Variants in LRRC4C observed in about 807,000 individuals in gnomAD.
The protein encoded by LRRC4C is leucine rich repeat containing 4C.
A neutral mutation model predicts 33.6 loss-of-function variants in LRRC4C; 5 were observed. The observed-to-expected ratio is 0.15, with a 90% CI of 0.08 to 0.31. The LOEUF is 0.31. Ranked by LOEUF, LRRC4C falls within the 10% of genes least tolerant of loss-of-function variation. LRRC4C has a pLI of 1.00. For missense variants in LRRC4C, 560 were observed against 796.7 expected, an observed-to-expected ratio of 0.70 and a Z score of 3.58; for synonymous variants, 329 against 302.0, an observed-to-expected ratio of 1.09 and a Z score of -0.93.
At position 40,502,161 on chromosome 11, in the gene LRRC4C, A is replaced by G. The variant is rs144449195; in HGVS notation, c.-270+145981T>C. Among the ~76,000 whole-genome samples the G allele has an allele frequency of 5.7e-4, 87 of 152,150 alleles. 1 individual carries two copies. In the Middle Eastern group the frequency reaches 0.01, roughly 18 times the overall value. On this transcript the variant is annotated intron_variant, in intron 3 of 6. Transcript: ENST00000528697. The stretch of plus-strand genomic sequence containing the variant: ...CTGAGACCACCTCATCCTGGACTTT[A>G]TTGTCTGTATCATTATCAGCATTTT...
chr11:41,268,541 A>G lies in LRRC4C; in HGVS notation c.-496+190890T>C, dbSNP rs56155005. ...TCATCTTGAAAACTATTTATTTTCAAACTTTATTTTTAAAAATTGTACCTC... is the reference window on the plus strand; with the variant it reads ...TCATCTTGAAAACTATTTATTTTCAGACTTTATTTTTAAAAATTGTACCTC... On this transcript the variant is annotated intron_variant, in intron 1 of 6. Coordinates refer to ENST00000528697, the MANE Select transcript of LRRC4C (RefSeq NM_001258419.2). 6.0e-3 allele frequency among the ~76,000 whole-genome samples: 913 copies of G among 152,234 alleles called. 9 individuals are homozygous for G. The highest frequency in any genetic ancestry group is 0.021 in the African/African-American group (861 of 41,554).
At chr11:40,513,083 A>G (rs1955399541) in intron 3 of LRRC4C, among the ~76,000 whole-genome samples, 1 of 151,864 alleles carries the variant, frequency 6.6e-6, no homozygotes. Flanking sequence ...CCCCGTCTCT[A>G]CTACAAATAC....
intron 2 of LRRC4C, among the ~76,000 whole-genome samples, chr11:40,694,715 A>C (rs996957724): frequency 6.6e-6 from 1 of 152,166 alleles, no homozygotes; most frequent in Non-Finnish European, 1.5e-5. Flanking sequence ...TACTCCCAGC[A>C]GCCAATAAAA....
chr11:40,423,748 T>C (rs1950614332), intron 3 of LRRC4C, among the ~76,000 whole-genome samples: 1 of 152,152 alleles, frequency 6.6e-6, no homozygotes, highest in Non-Finnish European at 1.5e-5. Flanking sequence ...TATTAACCAA[T>C]GTTGGAACTA....
chr11:40,869,189 G>T (rs1458050444), intron 2 of LRRC4C, among the ~76,000 whole-genome samples: 2 of 152,140 alleles, frequency 1.3e-5, no homozygotes, highest in Non-Finnish European at 1.5e-5. Flanking sequence ...ACCCAGTTAT[G>T]TTCCAGGAAA....
chr11:40,854,257 G>C (rs1305275517), intron 2 of LRRC4C, among the ~76,000 whole-genome samples: 1 of 152,140 alleles, frequency 6.6e-6, no homozygotes, highest in African/African-American at 2.4e-5. Flanking sequence ...ATTCTAACAG[G>C]AATGGGAGTT....
intron 3 of LRRC4C, among the ~76,000 whole-genome samples, chr11:40,443,237 A>C (rs1161878707): frequency 1.3e-5 from 2 of 152,158 alleles, no homozygotes; most frequent in Admixed American, 6.5e-5. Flanking sequence ...GCACCATAGA[A>C]ATTTCCCCTG....
At chr11:40,531,927 T>C (rs1442384173) in intron 3 of LRRC4C, among the ~76,000 whole-genome samples, 1 of 150,450 alleles carries the variant, frequency 6.6e-6, no homozygotes, top group East Asian at 1.9e-4. Flanking sequence ...GAAAGGATTT[T>C]GATATAGGAA....
chr11:41,430,353 G>C (rs1565666761), intron 1 of LRRC4C, among the ~76,000 whole-genome samples: 17 of 152,052 alleles, frequency 1.1e-4, no homozygotes, highest in Admixed American at 1.1e-3. Context: ...TTCTCCTTAG[G>C]TTTTTTCCTC....
chr11:41,180,942 C>T (rs1945420665), intron 1 of LRRC4C, among the ~76,000 whole-genome samples: 1 of 152,194 alleles, frequency 6.6e-6, no homozygotes, highest in East Asian at 1.9e-4. Context: ...TAGCGCACAT[C>T]CTCATGAGTT....
chr11:40,202,781 C>A (rs2135742546), intron 5 of LRRC4C, among the ~76,000 whole-genome samples: 1 of 152,220 alleles, frequency 6.6e-6, no homozygotes, highest in Admixed American at 6.5e-5. Flanking sequence ...GGGTAATAAT[C>A]AAAGCTTGGC....
chr11:40,637,892 C>T (rs761084297), intron 3 of LRRC4C, among the ~76,000 whole-genome samples: 1 of 152,174 alleles, frequency 6.6e-6, no homozygotes, highest in African/African-American at 2.4e-5. Flanking sequence ...GACTTCACTC[C>T]TTAATTCTAG....
At chr11:40,726,369 A>G (rs1947293896) in intron 2 of LRRC4C, among the ~76,000 whole-genome samples, 1 of 152,186 alleles carries the variant, frequency 6.6e-6, no homozygotes, top group South Asian at 2.1e-4. Flanking sequence ...TTACAGGACA[A>G]TATCCACGAG....
rs546609030 is a variant in LRRC4C, at chr11:40,316,865, T to C, written c.-176+2763A>G. The stretch of plus-strand genomic sequence containing the variant: ...AATTTCTGAGATAAACTCTTTAGGA[T>C]AGACCCATTGGAGATCTATATAGGG... On this transcript the variant is annotated intron_variant, in intron 4 of 6. Coordinates refer to ENST00000528697, the MANE Select transcript of LRRC4C (RefSeq NM_001258419.2). Among the ~76,000 whole-genome samples, 2 of 152,010 alleles carry C rather than the reference T, an allele frequency of 1.3e-5. 1 individual carries two copies. The highest frequency in any genetic ancestry group is 4.8e-5 in the African/African-American group (2 of 41,440).
intron 3 of LRRC4C, among the ~76,000 whole-genome samples, chr11:40,634,477 A>G (rs1963776567): frequency 6.6e-6 from 1 of 152,178 alleles, no homozygotes. Flanking sequence ...AAATATTTGA[A>G]TATTACTAGA....
intron 2 of LRRC4C, among the ~76,000 whole-genome samples, chr11:40,744,169 T>C (rs1338876150): frequency 1.3e-5 from 2 of 152,182 alleles, no homozygotes; most frequent in African/African-American, 4.8e-5. Flanking sequence ...AACTTTATTT[T>C]CTGATGATGG....
intron 3 of LRRC4C, among the ~76,000 whole-genome samples, chr11:40,329,076 G>A (rs1463730629): frequency 6.6e-6 from 1 of 152,188 alleles, no homozygotes; most frequent in African/African-American, 2.4e-5. Context: ...TAGGCTTAGT[G>A]CAAATAGACC....
intron 3 of LRRC4C, among the ~76,000 whole-genome samples, chr11:40,536,275 C>G (rs906619023): frequency 6.6e-6 from 1 of 152,076 alleles, no homozygotes; most frequent in Non-Finnish European, 1.5e-5. Flanking sequence ...CTCACTGCAA[C>G]CTCCGCCTCC....
intron 4 of LRRC4C, among the ~76,000 whole-genome samples, chr11:40,280,318 G>C (rs1467236915): frequency 6.6e-6 from 1 of 152,208 alleles, no homozygotes; most frequent in Non-Finnish European, 1.5e-5. Context: ...TGGACCTGAA[G>C]TGATGGCGCT....
Sources: gnomAD v4.1 joint callset for allele counts (sites outside exome capture counted in the v4.1 genomes callset) on GRCh38, gnomAD v4.1.1 for gene constraint, MANE v1.5 for transcripts, NCBI Gene and HGNC (gene_info 2026-07-23, HGNC 2026-07-21) for gene names.